ATP6V1G3: variants seen among roughly 807,000 people sequenced by gnomAD.
ATP6V1G3 encodes the protein ATPase H+ transporting V1 subunit G3, also known as V-type proton ATPase subunit G 3.
In ATP6V1G3, 9 loss-of-function variants were observed where a neutral mutation model predicts 9.3. That is an observed-to-expected ratio of 0.97 (90% CI 0.59 to 1.69). The LOEUF is 1.69. ATP6V1G3 is among the 40% of genes most tolerant of loss of function. The pLI, the probability that ATP6V1G3 is intolerant of heterozygous loss-of-function variation, is 0.00. For missense variants in ATP6V1G3, 133 were observed against 139.0 expected (o/e 0.96, Z 0.22); for synonymous variants, 43 against 43.8 (o/e 0.98, Z 0.07).
chr1:198,526,639 T>TA (rs1659665290), intron 2 of ATP6V1G3, among the ~76,000 whole-genome samples: 1 of 152,210 alleles, frequency 6.6e-6, no homozygotes. Flanking sequence ...TATGTTTTTT[T>TA]ACAAGTTGTT....
chr1:198,530,139 A>C (rs1039996267), intron 1 of ATP6V1G3, among the ~76,000 whole-genome samples: 6 of 152,104 alleles, frequency 3.9e-5, no homozygotes, highest in Admixed American at 6.6e-5. Context: ...TTTTCTATGA[A>C]TCTATTGTCT....
At chr1:198,537,125 G>A (rs1240789863) in intron 1 of ATP6V1G3, among the ~76,000 whole-genome samples, 1 of 152,110 alleles carries the variant, frequency 6.6e-6, no homozygotes, top group Non-Finnish European at 1.5e-5. Context: ...TGGATGTCTT[G>A]AGAGCAGAGA....
chr1:198,529,879 T>G (rs756767936), intron 1 of ATP6V1G3, among the ~76,000 whole-genome samples: 4 of 152,148 alleles, frequency 2.6e-5, no homozygotes, highest in Non-Finnish European at 4.4e-5. Flanking sequence ...CTTTTTTCTT[T>G]TATTAAGAGC....
chr1:198,523,772 C>T (rs1407137780), intron 2 of ATP6V1G3, among the ~76,000 whole-genome samples: 1 of 152,180 alleles, frequency 6.6e-6, no homozygotes, highest in African/African-American at 2.4e-5. Flanking sequence ...TAGCAGATTA[C>T]TTTCACTTTT....
At chr1:198,531,738 A>G (rs1485627780) in intron 1 of ATP6V1G3, among the ~76,000 whole-genome samples, 1 of 152,168 alleles carries the variant, frequency 6.6e-6, no homozygotes, top group Non-Finnish European at 1.5e-5. Flanking sequence ...GGCAATCAGA[A>G]TCATGCACTA....
chr1:198,536,559 A>C (rs778575147), intron 1 of ATP6V1G3: 1 of 770,828 alleles, frequency 1.3e-6, no homozygotes, highest in Non-Finnish European at 2.1e-6. Context: ...GATTTCATCT[A>C]AATTCAACCA....
intron 2 of ATP6V1G3, among the ~76,000 whole-genome samples, chr1:198,527,093 GA>G (rs2103131649): frequency 6.6e-6 from 1 of 152,240 alleles, no homozygotes; most frequent in African/African-American, 2.4e-5. Flanking sequence ...GTAACATCAA[GA>G]TACAACACCC....
chr1:198,532,599 G>A (rs904152221), intron 1 of ATP6V1G3, among the ~76,000 whole-genome samples: 1 of 152,158 alleles, frequency 6.6e-6, no homozygotes, highest in Non-Finnish European at 1.5e-5. Flanking sequence ...GAAGAAAGGA[G>A]AATAAGGGGT....
At position 198,525,689 on chromosome 1, in the gene ATP6V1G3, T is replaced by C. The variant is rs1006903008; in HGVS notation, c.184-2125A>G. Among the ~76,000 whole-genome samples the C allele has an allele frequency of 5.3e-5, 8 of 152,330 alleles. No individual in the cohort carries two copies. In the South Asian group the frequency reaches 1.0e-3, roughly 20 times the overall value. On this transcript the variant is annotated intron_variant, in intron 2 of 2. Transcript: ENST00000367382. ...CAATATAAAAATTATTACATTCTTTTATTTCATACTAAGTCTTTGGAATCT... is the reference window on the plus strand; with the variant it reads ...CAATATAAAAATTATTACATTCTTTCATTTCATACTAAGTCTTTGGAATCT...
chr1:198,538,891 C>CAA lies in ATP6V1G3; in HGVS notation c.82+1676_82+1677dup, dbSNP rs71569596. Among the ~76,000 whole-genome samples, 107 of 97,352 alleles carry CAA rather than the reference C, an allele frequency of 1.1e-3. 2 individuals carry two copies. The highest frequency in any genetic ancestry group is 3.2e-3 in the African/African-American group (72 of 22,778). 63.9% of individuals were successfully genotyped at this position (97,352 alleles called of 152,430 possible). On this transcript the variant is annotated intron_variant, in intron 1 of 2. Transcript: ENST00000367382. Reference sequence around the variant, plus strand: ...CTGGGAACAGAAGCAGACCCTGTCTCAAAAAAAAAAAAAAAGAAGAAGAAG... The same window carrying CAA: ...CTGGGAACAGAAGCAGACCCTGTCTCAAAAAAAAAAAAAAAAAGAAGAAGAAG...
chr1:198,538,678 G>A (rs1379452383), intron 1 of ATP6V1G3, among the ~76,000 whole-genome samples: 1 of 152,018 alleles, frequency 6.6e-6, no homozygotes, highest in Non-Finnish European at 1.5e-5. Context: ...GCAGAGGCAG[G>A]TGGATCTCTT....
At chr1:198,533,553 T>C (rs1659991637) in intron 1 of ATP6V1G3, among the ~76,000 whole-genome samples, 1 of 152,186 alleles carries the variant, frequency 6.6e-6, no homozygotes. Flanking sequence ...ATTTTGGGGA[T>C]GGAGTCAATA....
At chr1:198,536,594 A>C in intron 1 of ATP6V1G3, 1 of 1,214,752 alleles carries the variant, frequency 8.2e-7, no homozygotes, top group Admixed American at 2.2e-5. Flanking sequence ...TTTTGCACAT[A>C]AAAATGAGTG....
chr1:198,524,555 T>A (rs1334237235), intron 2 of ATP6V1G3, among the ~76,000 whole-genome samples: 1 of 152,236 alleles, frequency 6.6e-6, no homozygotes, highest in Non-Finnish European at 1.5e-5. Context: ...ATCTTTCTAA[T>A]TGCTCTTTAA....
chr1:198,529,709 T>C (rs1659819197), intron 1 of ATP6V1G3, among the ~76,000 whole-genome samples: 1 of 152,136 alleles, frequency 6.6e-6, no homozygotes, highest in Non-Finnish European at 1.5e-5. Context: ...AAACGTTTTA[T>C]TGGGATTTTT....
chr1:198,537,915 C>T (rs1315736460), intron 1 of ATP6V1G3, among the ~76,000 whole-genome samples: 1 of 152,114 alleles, frequency 6.6e-6, no homozygotes, highest in Admixed American at 6.5e-5. Context: ...TTCTATTTTG[C>T]CATAGATCGC....
intron 1 of ATP6V1G3, among the ~76,000 whole-genome samples, chr1:198,537,748 G>A (rs1660176246): frequency 6.6e-6 from 1 of 152,122 alleles, no homozygotes; most frequent in Non-Finnish European, 1.5e-5. Flanking sequence ...TCACTGGGAA[G>A]TTCTTTAAGG....
At chr1:198,528,879 G>A (rs1309445745) in intron 2 of ATP6V1G3, among the ~76,000 whole-genome samples, 3 of 151,444 alleles carry the variant, frequency 2.0e-5, no homozygotes, top group Admixed American at 6.6e-5. Context: ...GACCCTTTAT[G>A]TGAGAAATTA....
chr1:198,539,071 G>A (rs925676743), intron 1 of ATP6V1G3, among the ~76,000 whole-genome samples: 2 of 152,092 alleles, frequency 1.3e-5, no homozygotes, highest in Non-Finnish European at 2.9e-5. Flanking sequence ...TTGAGAAATA[G>A]GTAAAGTTTG....
Sources: gnomAD v4.1 joint callset for allele counts (sites outside exome capture counted in the v4.1 genomes callset) on GRCh38, gnomAD v4.1.1 for gene constraint, MANE v1.5 for transcripts, NCBI Gene and HGNC (gene_info 2026-07-23, HGNC 2026-07-21) for gene names.